RASD2: variants seen among roughly 807,000 people sequenced by gnomAD.
RASD2 encodes RASD family member 2, also known as GTP-binding protein Rhes.
RASD2 carries 7 observed loss-of-function variants against 15.8 expected under a neutral mutation model. That is an observed-to-expected ratio of 0.44 (90% CI 0.25 to 0.83). The LOEUF (loss-of-function observed/expected upper bound fraction) is 0.83, where lower values mean the gene tolerates loss of function less well. RASD2 is among the 40% of genes least tolerant of loss of function. The pLI, the probability that RASD2 is intolerant of heterozygous loss-of-function variation, is 0.20. For synonymous variants in RASD2, 155 were observed against 153.6 expected, an observed-to-expected ratio of 1.01 and a Z score of -0.07; for missense variants, 274 against 382.8, an observed-to-expected ratio of 0.72 and a Z score of 2.37.
rs924424701 is a variant in RASD2 at position 35,546,679 on chromosome 22, C to T, written c.-9-122C>T. On this transcript the variant is annotated intron_variant, in intron 1 of 2. Coordinates refer to ENST00000216127, the MANE Select transcript of RASD2 (RefSeq NM_014310.4). ...AGAACTCCAAGACCCCTTAGAACCT[C>T]GTCTGATGTTCCCATTTTACAGACA... 4.5e-5 allele frequency: 60 copies of T among 1,332,140 alleles called. No individual in the cohort carries two copies. The East Asian group carries it at 8.1e-4, about 18-fold the overall frequency. 82.5% of individuals were successfully genotyped at this position (1,332,140 alleles called of 1,614,324 possible). A position where few individuals can be genotyped will look rare whatever the true frequency, so the allele number is the denominator to read the frequency against.
upstream of RASD2, among the ~76,000 whole-genome samples, chr22:35,537,300 C>CA (rs1934258576): frequency 6.6e-6 from 1 of 152,150 alleles, no homozygotes; most frequent in Admixed American, 6.5e-5. Context: ...TGGCTGAACA[C>CA]AATTCAATAA....
At chr22:35,539,488 A>T (rs1050527442), upstream of RASD2, among the ~76,000 whole-genome samples, 1 of 152,206 alleles carries the variant, frequency 6.6e-6, no homozygotes, top group African/African-American at 2.4e-5. Flanking sequence ...TCACACAACG[A>T]GAACATTCTC....
Position 35,546,893 on chromosome 22 carries a change from T to A in RASD2, c.84T>A (p.Ser28=). Residue 28 remains serine (S), a synonymous_variant, in exon 2 of 3, where the codon TCT becomes TCA. Transcript: ENST00000216127. The part of the protein sequence containing the change: ...NSYRMVVLGA[S]RVGKSSIVSR... ...ACCGCATGGTGGTGCTGGGTGCCTC[T>A]CGGGTGGGCAAGAGCTCCATCGTGT... is the stretch of plus-strand genomic sequence containing the variant. 1 of 1,613,550 alleles carries A rather than the reference T, an allele frequency of 6.2e-7. No homozygotes were observed. Among genetic ancestry groups the A allele is most frequent in the Non-Finnish European group, 8.5e-7 (1 of 1,179,750 alleles).
At chr22:35,537,255 G>A (rs1934258150), upstream of RASD2, among the ~76,000 whole-genome samples, 2 of 152,176 alleles carry the variant, frequency 1.3e-5, no homozygotes, top group Admixed American at 1.3e-4. Flanking sequence ...TGTGTCCAAG[G>A]AGAGCTTGTA....
chr22:35,540,430 T>C (rs1934313314), upstream of RASD2, among the ~76,000 whole-genome samples: 1 of 148,506 alleles, frequency 6.7e-6, no homozygotes, highest in Non-Finnish European at 1.5e-5. Flanking sequence ...CCGCCTCCCA[T>C]TGGCCGGGCG....
intron 2 of RASD2, among the ~76,000 whole-genome samples, chr22:35,548,950 C>T (rs1202902061): frequency 6.6e-6 from 1 of 152,194 alleles, no homozygotes; most frequent in Non-Finnish European, 1.5e-5. Flanking sequence ...GTGTCAGCTC[C>T]CCCAGCCTTG....
rs1340830000 is a variant in RASD2 at position 35,551,841 on chromosome 22, A to G, written c.610A>G (p.Ile204Val). Residue 204 changes from isoleucine to valine, a missense_variant, in exon 3 of 3, where the codon ATC becomes GTC. Physicochemically the swap from Ile to Val is conservative, Grantham distance 29. Coordinates refer to ENST00000216127, the MANE Select transcript of RASD2 (RefSeq NM_014310.4). The surrounding 1 kb of genome is among the most constrained non-coding windows in gnomAD (Gnocchi z 4.9). The part of the protein sequence containing the change: ...HEMSPALHRK[I>V]SVQYGDAFHP... ...GATGAGCCCCGCCCTGCATCGCAAG[A>G]TCTCCGTGCAGTACGGTGACGCCTT... 2 of 1,613,436 alleles carry G rather than the reference A, an allele frequency of 1.2e-6. No individual in the cohort carries two copies. The highest frequency in any genetic ancestry group is 1.3e-5 in the African/African-American group (1 of 74,744).
At chr22:35,542,214 G>T (rs1210828714) in intron 1 of RASD2, among the ~76,000 whole-genome samples, 1 of 152,210 alleles carries the variant, frequency 6.6e-6, no homozygotes. Flanking sequence ...GCCTCCTGTG[G>T]TGTCAGAGAC....
intron 2 of RASD2, among the ~76,000 whole-genome samples, chr22:35,548,193 C>T (rs1338878884): frequency 1.3e-5 from 2 of 152,188 alleles, no homozygotes; most frequent in Non-Finnish European, 2.9e-5. Flanking sequence ...AGAGGACAAG[C>T]CCGGGACCCA....
In RASD2 at chr22:35,546,871, G is replaced by A. The variant is rs756852748; in HGVS notation, c.62G>A (p.Arg21His). Reference protein sequence around the residue: ...TLSVPAKNSYRMVVLGASRVG... With the variant: ...TLSVPAKNSYHMVVLGASRVG... The stretch of plus-strand genomic sequence containing the variant: ...AGTGTGCCCGCCAAAAACTCATACC[G>A]CATGGTGGTGCTGGGTGCCTCTCGG... Residue 21 changes from arginine (R) to histidine (H), a missense_variant, in exon 2 of 3, where the codon CGC (arginine) becomes CAC (histidine). By Grantham distance (29) the Arg-to-His change is conservative (BLOSUM62 0). Transcript: ENST00000216127. 2 of 1,613,608 alleles carry A rather than the reference G, an allele frequency of 1.2e-6. No individual in the cohort carries two copies. The highest frequency in any genetic ancestry group is 1.7e-6 in the Non-Finnish European group (2 of 1,179,808).
At chr22:35,550,107 CA>C (rs555074185) in intron 2 of RASD2, among the ~76,000 whole-genome samples, 2 of 151,948 alleles carry the variant, frequency 1.3e-5, no homozygotes, top group African/African-American at 4.8e-5. Context: ...CTAAAAAATA[CA>C]AAAAATTAGC....
At chr22:35,547,174 C>T (rs1934529075) in intron 2 of RASD2, 94 bp downstream of exon 2, 1 of 1,386,128 alleles carries the variant, frequency 7.2e-7, no homozygotes, top group Non-Finnish European at 9.9e-7. Context: ...ACTTGCATAG[C>T]CATCGTCTGA....
chr22:35,535,926 C>A (rs1323900233), upstream of RASD2, among the ~76,000 whole-genome samples: 1 of 151,866 alleles, frequency 6.6e-6, no homozygotes, highest in Non-Finnish European at 1.5e-5. Flanking sequence ...GGAGGGGCAG[C>A]AAGAGGCAGA....
intron 1 of RASD2, 100 bp from the exon 2 acceptor site, chr22:35,546,701 G>A: frequency 6.9e-7 from 1 of 1,444,570 alleles, no homozygotes. Context: ...CCATTTTACA[G>A]ACAGAAAACT....
At chr22:35,541,944 G>A (rs1292459336) in intron 1 of RASD2, among the ~76,000 whole-genome samples, 1 of 152,214 alleles carries the variant, frequency 6.6e-6, no homozygotes, top group East Asian at 1.9e-4. Flanking sequence ...AGATTAAGAA[G>A]CTCCTTCGTT....
rs558235787 is a variant in RASD2 at position 35,552,672 on chromosome 22, G to C, written c.*640G>C. On this transcript the variant is annotated 3_prime_UTR_variant, in exon 3 of 3. Coordinates refer to ENST00000216127, the MANE Select transcript of RASD2 (RefSeq NM_014310.4). ...TAGACCACGCCCACCTCCTGACCGC[G>C]TTCCTCAGCCTCCTCTCCTAGGTCC... 1 of 153,158 alleles carries C rather than the reference G, an allele frequency of 6.5e-6. No individual in the cohort carries two copies. The highest frequency in any genetic ancestry group is 2.4e-5 in the African/African-American group (1 of 41,378). The allele number at this position is 153,158 out of a possible 1,614,324, so 9.5% of individuals were successfully genotyped here.
At chr22:35,544,745 C>T (rs887097201) in intron 1 of RASD2, among the ~76,000 whole-genome samples, 1 of 152,320 alleles carries the variant, frequency 6.6e-6, no homozygotes, top group Admixed American at 6.5e-5. Flanking sequence ...TCAAACCTCT[C>T]CTCTGCTGGT....
rs755742181 is a variant in RASD2 at position 35,547,060 on chromosome 22, G to A, written c.251G>A (p.Arg84His). The A allele has an allele frequency of 7.4e-6, 12 of 1,613,322 alleles. No homozygotes were observed. Among genetic ancestry groups the A allele is most frequent in the Admixed American group, 5.0e-5 (3 of 59,988 alleles). Residue 84 changes from arginine (R) to histidine (H), a missense_variant, in exon 2 of 3, where the codon CGC becomes CAC. Arg to His is a conservative substitution (Grantham distance 29). Transcript: ENST00000216127. Reference protein sequence around the residue: ...TSGNHPFPAMRRLSILTGDVF... With the variant: ...TSGNHPFPAMHRLSILTGDVF... Reference sequence around the variant, plus strand: ...GGCAACCACCCCTTCCCCGCCATGCGCAGGCTGTCCATCCTCACAGGTGAG... The same window carrying A: ...GGCAACCACCCCTTCCCCGCCATGCACAGGCTGTCCATCCTCACAGGTGAG...
chr22:35,547,197 C>A lies in RASD2; in HGVS notation c.271+117C>A. On this transcript the variant is annotated intron_variant, in intron 2 of 2. Coordinates refer to ENST00000216127, the MANE Select transcript of RASD2 (RefSeq NM_014310.4). ...AGCCATCGTCTGAGACAGGCGTCATCCCTGCACAATGAGGCTCAGAGAGGT... is the reference window on the plus strand; with the variant it reads ...AGCCATCGTCTGAGACAGGCGTCATACCTGCACAATGAGGCTCAGAGAGGT... The A allele has an allele frequency of 3.9e-6, 5 of 1,284,248 alleles. No homozygotes were observed. In the South Asian group the frequency reaches 4.2e-5, roughly 11 times the overall value. 79.6% of individuals were successfully genotyped at this position (1,284,248 alleles called of 1,614,324 possible). A position where few individuals can be genotyped will look rare whatever the true frequency, so the allele number is the denominator to read the frequency against.
Sources: gnomAD v4.1 joint callset for allele counts (sites outside exome capture counted in the v4.1 genomes callset) on GRCh38, gnomAD v4.1.1 for gene constraint, Gnocchi (gnomAD v3.1) non-coding constraint, MANE v1.5 for transcripts, NCBI Gene and HGNC (gene_info 2026-07-23, HGNC 2026-07-21) for gene names.